Variants in KIAA0319L observed in about 807,000 individuals in gnomAD.
The protein encoded by KIAA0319L is KIAA0319 like, also known as dyslexia-associated protein KIAA0319-like protein.
A neutral mutation model predicts 120.1 loss-of-function variants in KIAA0319L; 55 were observed. The observed-to-expected ratio is 0.46, with a 90% CI of 0.37 to 0.57. The LOEUF is 0.57. Ranked by LOEUF, KIAA0319L falls within the 20% of genes least tolerant of loss-of-function variation. The pLI, the probability that KIAA0319L is intolerant of heterozygous loss-of-function variation, is 0.00. For synonymous variants in KIAA0319L, 398 were observed against 471.9 expected, an observed-to-expected ratio of 0.84 and a Z score of 2.03; for missense variants, 1,049 against 1,255.3, an observed-to-expected ratio of 0.84 and a Z score of 2.48.
chr1:35,477,589 C>T (rs1643950065), intron 4 of KIAA0319L, among the ~76,000 whole-genome samples: 1 of 150,516 alleles, frequency 6.6e-6, no homozygotes, highest in African/African-American at 2.5e-5. Flanking sequence ...ATGGCATGAA[C>T]CCAGGAGGCG....
intron 2 of KIAA0319L, among the ~76,000 whole-genome samples, chr1:35,508,846 T>C (rs1645308945): frequency 6.6e-6 from 1 of 152,184 alleles, no homozygotes; most frequent in South Asian, 2.1e-4. Flanking sequence ...TCAACACAGA[T>C]GAAAATTATC....
intron 16 of KIAA0319L, among the ~76,000 whole-genome samples, chr1:35,447,302 C>T (rs923654054): frequency 1.1e-4 from 16 of 150,550 alleles, no homozygotes; most frequent in Admixed American, 1.3e-4. Context: ...ACAAAAACTT[C>T]ACACACATAA....
At chr1:35,541,830 C>G (rs749529216) in intron 2 of KIAA0319L, among the ~76,000 whole-genome samples, 1 of 152,298 alleles carries the variant, frequency 6.6e-6, no homozygotes, top group East Asian at 1.9e-4. Context: ...GGCAGCAGAA[C>G]AGAGTCCTCT....
At chr1:35,534,106 T>C (rs944273015) in intron 2 of KIAA0319L, among the ~76,000 whole-genome samples, 6 of 152,210 alleles carry the variant, frequency 3.9e-5, no homozygotes, top group African/African-American at 1.2e-4. Flanking sequence ...ACAGGTTGGA[T>C]TGAAAGGTGG....
chr1:35,543,261 C>T (rs568202188), intron 2 of KIAA0319L, among the ~76,000 whole-genome samples: 2 of 152,298 alleles, frequency 1.3e-5, no homozygotes, highest in South Asian at 4.1e-4. Flanking sequence ...AGCCAGAAAA[C>T]TCTACCTTCC....
intron 14 of KIAA0319L, 116 bp from the exon 15 acceptor site, chr1:35,450,121 G>A (rs1641944921): frequency 7.7e-7 from 1 of 1,301,560 alleles, no homozygotes; most frequent in Non-Finnish European, 1.1e-6. Context: ...TCAACCTTGG[G>A]CAGTTCCTGA....
At chr1:35,504,573 G>C (rs1045800072) in intron 3 of KIAA0319L, among the ~76,000 whole-genome samples, 1 of 152,288 alleles carries the variant, frequency 6.6e-6, no homozygotes. Flanking sequence ...TTAATCGACT[G>C]TTTATCTTAT....
intron 3 of KIAA0319L, among the ~76,000 whole-genome samples, chr1:35,503,820 TA>T (rs1645099323): frequency 6.6e-6 from 1 of 151,952 alleles, no homozygotes; most frequent in Non-Finnish European, 1.5e-5. Context: ...GTGAAGACAA[TA>T]AGGATGCCTA....
intron 2 of KIAA0319L, among the ~76,000 whole-genome samples, chr1:35,528,088 A>AT (rs1232756707): frequency 1.3e-5 from 2 of 151,670 alleles, no homozygotes; most frequent in South Asian, 4.2e-4. Context: ...AATTTAAGAA[A>AT]TTTTTTTTCT....
At chr1:35,535,078 C>A in intron 2 of KIAA0319L, among the ~76,000 whole-genome samples, 1 of 106,396 alleles carries the variant, frequency 9.4e-6, no homozygotes. Flanking sequence ...GCCTGGAAGA[C>A]ACAGCAAGAC....
chr1:35,478,984 T>A lies in KIAA0319L; in HGVS notation c.895A>T (p.Thr299Ser), dbSNP rs1644026833. ...TPTPQASFQS[T>S]SAPYPVIKEL... ...TCCTTACCTGGGTATGGTGCTGAGG[T>A]GCTCTGGAAAGAGGCCTGGGGGGTA... Residue 299 changes from threonine (T) to serine (S), a missense_variant, in exon 4 of 21, where the codon ACC becomes TCC. Physicochemically the swap from Thr to Ser is moderately conservative, Grantham distance 58 (BLOSUM62 1). Transcript: ENST00000325722. 6.2e-7 allele frequency: 1 copy of A among 1,614,124 alleles called. No individual in the cohort carries two copies. The highest frequency in any genetic ancestry group is 8.5e-7 in the Non-Finnish European group (1 of 1,179,992).
chr1:35,511,558 C>T (rs2148415311), intron 2 of KIAA0319L: 1 of 152,206 alleles, frequency 6.6e-6, no homozygotes, highest in Middle Eastern at 3.4e-3. Flanking sequence ...AGTGAGACCC[C>T]ATCTCTACAA....
intron 3 of KIAA0319L, among the ~76,000 whole-genome samples, chr1:35,497,796 T>C (rs1207334074): frequency 6.6e-6 from 1 of 152,190 alleles, no homozygotes; most frequent in Non-Finnish European, 1.5e-5. Context: ...CTGCTTTCAT[T>C]TTTTTCATAA....
At chr1:35,487,019 T>C (rs1199447383) in intron 3 of KIAA0319L, among the ~76,000 whole-genome samples, 1 of 152,230 alleles carries the variant, frequency 6.6e-6, no homozygotes, top group Non-Finnish European at 1.5e-5. Context: ...AGCCACCTTC[T>C]ATTGACTGCC....
rs771216816 is a variant in KIAA0319L, at chr1:35,506,358, A to G, written c.666+254T>C. On this transcript the variant is annotated intron_variant, in intron 3 of 20. Coordinates refer to ENST00000325722, the MANE Select transcript of KIAA0319L (RefSeq NM_024874.5). The surrounding 1 kb of genome is among the most constrained non-coding windows in gnomAD (Gnocchi z 4.0). ...CTGTACTTACCTGTAGCCAAGAACC[A>G]GCTTAGACTAGATAATGAGCAGCTT... Among the ~76,000 whole-genome samples the G allele has an allele frequency of 1.6e-4, 25 of 152,254 alleles. No homozygotes were observed. Among genetic ancestry groups the G allele is most frequent in the Non-Finnish European group, 3.1e-4 (21 of 68,050 alleles).
chr1:35,521,337 T>A (rs1032808918), intron 2 of KIAA0319L, among the ~76,000 whole-genome samples: 6 of 151,704 alleles, frequency 4.0e-5, no homozygotes, highest in African/African-American at 1.5e-4. Flanking sequence ...AGACTCAGTC[T>A]CAAAAAAATA....
At chr1:35,549,109 G>A (rs746778630) in intron 2 of KIAA0319L, among the ~76,000 whole-genome samples, 1 of 150,940 alleles carries the variant, frequency 6.6e-6, no homozygotes, top group Non-Finnish European at 1.5e-5. Context: ...GGAGTACAGC[G>A]ACATGATCAC....
chr1:35,492,702 T>C (rs573717377), intron 3 of KIAA0319L, among the ~76,000 whole-genome samples: 31 of 152,254 alleles, frequency 2.0e-4, no homozygotes, highest in African/African-American at 7.5e-4. Flanking sequence ...CAATTATTCC[T>C]GATAAAAACT....
At chr1:35,483,673 T>C (rs897511454) in intron 3 of KIAA0319L, among the ~76,000 whole-genome samples, 3 of 152,240 alleles carry the variant, frequency 2.0e-5, no homozygotes, top group Admixed American at 6.5e-5. Flanking sequence ...AACTCTATTG[T>C]TCTTTTTCAA....
Sources: gnomAD v4.1 joint callset for allele counts (sites outside exome capture counted in the v4.1 genomes callset) on GRCh38, gnomAD v4.1.1 for gene constraint, Gnocchi (gnomAD v3.1) non-coding constraint, MANE v1.5 for transcripts, NCBI Gene and HGNC (gene_info 2026-07-23, HGNC 2026-07-21) for gene names.